Variants in GTF2I observed in about 807,000 individuals in gnomAD.
GTF2I encodes general transcription factor IIi, also known as general transcription factor II-I.
Under a neutral mutation model 67.6 loss-of-function variants are expected in GTF2I, and 12 were observed. The ratio of observed to expected loss-of-function variants is 0.18; its 90% CI spans 0.11 to 0.29. GTF2I has a LOEUF of 0.29. GTF2I is among the 10% of genes least tolerant of loss of function. GTF2I has a pLI of 1.00. For missense variants in GTF2I, 271 were observed against 580.1 expected (o/e 0.47, Z 5.47); for synonymous variants, 149 against 197.0 (o/e 0.76, Z 2.04).
At chr7:74,682,694 C>A (rs1787370248) in intron 1 of GTF2I, among the ~76,000 whole-genome samples, 1 of 152,092 alleles carries the variant, frequency 6.6e-6, no homozygotes, top group South Asian at 2.1e-4. Context: ...GGAATAAGAA[C>A]CATGCATAAG....
chr7:74,725,821 T>C (rs955385123), intron 12 of GTF2I, among the ~76,000 whole-genome samples: 1 of 152,056 alleles, frequency 6.6e-6, no homozygotes, highest in Non-Finnish European at 1.5e-5. Flanking sequence ...AAAAGCACTC[T>C]AGTAGATTTG....
chr7:74,690,171 C>T (rs868971806), intron 2 of GTF2I, among the ~76,000 whole-genome samples: 11 of 151,770 alleles, frequency 7.2e-5, no homozygotes, highest in African/African-American at 9.7e-5. Context: ...GCCGAGATCG[C>T]GCCACCACAC....
chr7:74,672,650 T>C (rs1482456102), intron 1 of GTF2I, among the ~76,000 whole-genome samples: 2 of 152,184 alleles, frequency 1.3e-5, no homozygotes, highest in Non-Finnish European at 2.9e-5. Flanking sequence ...ACTCTTAGAA[T>C]TGAAGTATTG....
intron 11 of GTF2I, 51 bp from the exon 12 acceptor site, chr7:74,718,828 T>C (rs377612872): frequency 5.3e-4 from 492 of 923,862 alleles, no homozygotes; most frequent in Non-Finnish European, 7.3e-4. Flanking sequence ...TTGGAACATA[T>C]GGAAACATGC....
rs369225022 is a variant in GTF2I at position 74,737,179 on chromosome 7, C to T, written c.1619+496C>T. 2.7e-5 allele frequency among the ~76,000 whole-genome samples: 4 copies of T among 147,048 alleles called. No individual in the cohort carries two copies. The East Asian group carries it at 6.1e-4, about 22-fold the overall frequency. ...CTGCACTCCAGCCTGGGCAACAGAG[C>T]GAGACTCCATCTCAAAATAATTAAA... On this transcript the variant is annotated intron_variant, in intron 18 of 34. Transcript: ENST00000573035.
intron 3 of GTF2I, among the ~76,000 whole-genome samples, chr7:74,693,805 C>G (rs1788606759): frequency 1.3e-5 from 2 of 151,916 alleles, no homozygotes; most frequent in Non-Finnish European, 2.9e-5. Context: ...AAGATCGCAC[C>G]ACTGCACTCC....
At chr7:74,700,457 A>G (rs782488840) in intron 5 of GTF2I, 27 bp downstream of exon 5, 56 of 1,612,198 alleles carry the variant, frequency 3.5e-5, no homozygotes, top group Non-Finnish European at 4.8e-5. Flanking sequence ...CTTTGTACCC[A>G]TCAACAGTTG....
chr7:74,666,389 T>C (rs1804970818), intron 1 of GTF2I, among the ~76,000 whole-genome samples: 1 of 152,118 alleles, frequency 6.6e-6, no homozygotes, highest in Non-Finnish European at 1.5e-5. Context: ...AATTACATGA[T>C]CTCATCTGTG....
At chr7:74,681,318 C>T (rs183580033) in intron 1 of GTF2I, among the ~76,000 whole-genome samples, 307 of 152,066 alleles carry the variant, frequency 2.0e-3, no homozygotes, top group Admixed American at 3.3e-3. Context: ...ACCTGTAATC[C>T]GAACTACTTG....
At chr7:74,670,491 G>T (rs905063864) in intron 1 of GTF2I, among the ~76,000 whole-genome samples, 2 of 152,064 alleles carry the variant, frequency 1.3e-5, no homozygotes, top group African/African-American at 4.8e-5. Flanking sequence ...GAGGTCAGGA[G>T]TTTGAGACCA....
intron 12 of GTF2I, among the ~76,000 whole-genome samples, chr7:74,721,978 CTG>C (rs1793062477): frequency 6.6e-6 from 1 of 152,094 alleles, no homozygotes; most frequent in African/African-American, 2.4e-5. Flanking sequence ...CAAAAATAAA[CTG>C]AGATATTCCT....
At chr7:74,731,975 G>C (rs1262033399) in intron 14 of GTF2I, among the ~76,000 whole-genome samples, 3 of 150,750 alleles carry the variant, frequency 2.0e-5, no homozygotes, top group Non-Finnish European at 4.4e-5. Context: ...TCCTGTCTGA[G>C]TCTTAGTATC....
chr7:74,733,748 A>G, intron 15 of GTF2I, 175 bp from the exon 16 acceptor site: 1 of 234,922 alleles, frequency 4.3e-6, no homozygotes, highest in Non-Finnish European at 7.7e-6. Flanking sequence ...CCTGGGAACA[A>G]GAGCAAAACT....
intron 1 of GTF2I, among the ~76,000 whole-genome samples, chr7:74,671,148 G>A (rs587679779): frequency 2.2e-4 from 31 of 138,350 alleles, no homozygotes; most frequent in Admixed American, 4.0e-4. Flanking sequence ...GTGCAGTGGC[G>A]TGATCTCAGC....
At chr7:74,705,302 A>C (rs1177674735) in intron 7 of GTF2I, 84 bp downstream of exon 7, 5 of 819,266 alleles carry the variant, frequency 6.1e-6, no homozygotes, top group Non-Finnish European at 1.1e-5. Context: ...TCAGAATATT[A>C]AAAAGGCCTC....
Position 74,716,948 on chromosome 7 carries a change from A to G in GTF2I, c.878A>G (p.Glu293Gly). Reference protein sequence around the residue: ...NEGTEMEVPAEDSTQHVPSET... With the variant: ...NEGTEMEVPAGDSTQHVPSET... ...GGCACAGAAATGGAAGTACCAGCAGAAGGTTAGGAGAAAAAGAGATTGCAT... is the reference window on the plus strand; with the variant it reads ...GGCACAGAAATGGAAGTACCAGCAGGAGGTTAGGAGAAAAAGAGATTGCAT... Residue 293 changes from glutamate (E) to glycine (G), a missense_variant and splice_region_variant, in exon 11 of 35, where the codon GAA becomes GGA. Glu to Gly is a moderately conservative substitution (Grantham distance 98, BLOSUM62 -2). This residue lies in a region of GTF2I where 124 missense variants were observed against 147.0 expected (regional missense o/e 0.84). Transcript: ENST00000573035. The G allele has an allele frequency of 6.2e-7, 1 of 1,604,076 alleles. No homozygotes were observed. The highest frequency in any genetic ancestry group is 8.5e-7 in the Non-Finnish European group (1 of 1,173,098).
At chr7:74,730,852 G>A (rs1457164677) in intron 14 of GTF2I, among the ~76,000 whole-genome samples, 1 of 141,750 alleles carries the variant, frequency 7.1e-6, no homozygotes, top group Non-Finnish European at 1.5e-5. Flanking sequence ...GACTACAGGT[G>A]CCCGCCACCA....
chr7:74,712,035 C>T (rs1554402680), intron 9 of GTF2I, among the ~76,000 whole-genome samples: 1 of 151,320 alleles, frequency 6.6e-6, no homozygotes, highest in Non-Finnish European at 1.5e-5. Flanking sequence ...CTGCAACCTC[C>T]ACCTCCCAGG....
intron 2 of GTF2I, 85 bp from the exon 3 acceptor site, chr7:74,690,887 AT>A: frequency 8.0e-7 from 1 of 1,255,480 alleles, no homozygotes; most frequent in Non-Finnish European, 1.1e-6. Flanking sequence ...CCTTTAAAAA[AT>A]GTTGTTAGTT....
Sources: gnomAD v4.1 joint callset for allele counts (sites outside exome capture counted in the v4.1 genomes callset) on GRCh38, gnomAD v4.1.1 for gene constraint, gnomAD v4.1.1 regional missense constraint, MANE v1.5 for transcripts, NCBI Gene and HGNC (gene_info 2026-07-23, HGNC 2026-07-21) for gene names.